DGKI: variants seen among roughly 807,000 people sequenced by gnomAD.
DGKI encodes DAG kinase iota.
DGKI carries 55 observed loss-of-function variants against 147.5 expected under a neutral mutation model. That is an observed-to-expected ratio of 0.37 (90% CI 0.30 to 0.47). The LOEUF (loss-of-function observed/expected upper bound fraction) is 0.47. DGKI is among the 20% of genes least tolerant of loss of function. The pLI, the probability that DGKI is intolerant of heterozygous loss-of-function variation, is 1.00. For missense variants in DGKI, 1,007 were observed against 1,323.8 expected (o/e 0.76, Z 3.71); for synonymous variants, 469 against 477.1 (o/e 0.98, Z 0.22).
chr7:137,523,395 C>T (rs1363519067), intron 20 of DGKI, among the ~76,000 whole-genome samples: 1 of 152,030 alleles, frequency 6.6e-6, no homozygotes, highest in Non-Finnish European at 1.5e-5. Context: ...ACTATAGATA[C>T]ATATGTGCAC....
chr7:137,487,222 C>T (rs1815597271), intron 22 of DGKI, among the ~76,000 whole-genome samples: 1 of 151,986 alleles, frequency 6.6e-6, no homozygotes, highest in South Asian at 2.1e-4. Flanking sequence ...TTTTTGTTTA[C>T]AAAATCTAGC....
chr7:137,814,157 G>A (rs897110595), intron 1 of DGKI, among the ~76,000 whole-genome samples: 2 of 152,136 alleles, frequency 1.3e-5, no homozygotes, highest in Admixed American at 1.3e-4. Flanking sequence ...GTGAGGAATG[G>A]GAGGAGGAAG....
chr7:137,546,610 T>C (rs1279571236), intron 20 of DGKI, among the ~76,000 whole-genome samples: 1 of 152,208 alleles, frequency 6.6e-6, no homozygotes, highest in Non-Finnish European at 1.5e-5. Flanking sequence ...AACCACAGAT[T>C]TCTCCCTTTT....
chr7:137,484,559 C>A (rs1815485837), intron 23 of DGKI, among the ~76,000 whole-genome samples: 1 of 151,982 alleles, frequency 6.6e-6, no homozygotes, highest in African/African-American at 2.4e-5. Flanking sequence ...AGTCAAAGAG[C>A]TTTGTTTGGG....
chr7:137,772,748 G>A (rs933047773), intron 1 of DGKI, among the ~76,000 whole-genome samples: 1 of 152,198 alleles, frequency 6.6e-6, no homozygotes, highest in African/African-American at 2.4e-5. Context: ...GTTATTCCAA[G>A]TTGTTGTATT....
intron 6 of DGKI, among the ~76,000 whole-genome samples, chr7:137,624,690 C>T (rs993375770): frequency 6.6e-6 from 1 of 151,988 alleles, no homozygotes; most frequent in Non-Finnish European, 1.5e-5. Flanking sequence ...CTGCAAGCTC[C>T]GCCTCCCGGG....
At position 137,581,827 on chromosome 7, in the gene DGKI, T is replaced by C. The variant is rs1002211533; in HGVS notation, c.1642+23A>G. On this transcript the variant is annotated intron_variant, in intron 15 of 32. Coordinates refer to ENST00000614521, the MANE Select transcript of DGKI (RefSeq NM_001321708.2). ...TGCTAGAAACTTCCTCCCTGGGAGA[T>C]GGAAATGGGACGTTGTCCTCACCTC... is the stretch of plus-strand genomic sequence containing the variant. 5.0e-6 allele frequency: 8 copies of C among 1,600,826 alleles called. No homozygotes were observed. The African/African-American group carries it at 1.1e-4, about 21-fold the overall frequency.
chr7:137,776,059 T>G (rs1796352913), intron 1 of DGKI, among the ~76,000 whole-genome samples: 1 of 152,152 alleles, frequency 6.6e-6, no homozygotes. Context: ...GGTTTCTCCA[T>G]GTTGGTCAGG....
chr7:137,694,310 ACTCCGT>A (rs1378679208), intron 1 of DGKI, among the ~76,000 whole-genome samples: 1 of 149,094 alleles, frequency 6.7e-6, no homozygotes, highest in East Asian at 2.0e-4. Context: ...CGACAGCGAG[ACTCCGT>A]CTCAAAAAAA....
chr7:137,550,666 A>T lies in DGKI; in HGVS notation c.2147+1703T>A, dbSNP rs142832307. 2.8e-4 allele frequency among the ~76,000 whole-genome samples: 42 copies of T among 152,356 alleles called. No homozygotes were observed. In the East Asian group the frequency reaches 7.9e-3, roughly 29 times the overall value. On this transcript the variant is annotated intron_variant, in intron 20 of 32. Transcript: ENST00000614521. ...TGCTGAGCAAATACGAATTCTCAAC[A>T]CAAAGGTAAAAGCTGTTTAAAACTA... is the stretch of plus-strand genomic sequence containing the variant.
At chr7:137,512,127 C>A (rs374632781) in intron 21 of DGKI, among the ~76,000 whole-genome samples, 1 of 152,154 alleles carries the variant, frequency 6.6e-6, no homozygotes, top group African/African-American at 2.4e-5. Flanking sequence ...GACCTATGAC[C>A]GCAAATTCTT....
chr7:137,391,215 C>T lies in DGKI; in HGVS notation c.*5G>A, dbSNP rs201590888. On this transcript the variant is annotated 3_prime_UTR_variant, in exon 33 of 33. Coordinates refer to ENST00000614521, the MANE Select transcript of DGKI (RefSeq NM_001321708.2). ...GCTCATGTCCTCTTTGCCCGAATACCAGGGTCAAACAGCAGTTTCCAGGTC... is the reference window on the plus strand; with the variant it reads ...GCTCATGTCCTCTTTGCCCGAATACTAGGGTCAAACAGCAGTTTCCAGGTC... The T allele has an allele frequency of 1.4e-5, 23 of 1,611,096 alleles. No individual in the cohort carries two copies. Among genetic ancestry groups the T allele is most frequent in the Middle Eastern group, 3.3e-4 (2 of 5,974 alleles).
At chr7:137,499,254 A>G (rs1013504492) in intron 21 of DGKI, among the ~76,000 whole-genome samples, 5 of 152,140 alleles carry the variant, frequency 3.3e-5, no homozygotes, top group African/African-American at 9.7e-5. Context: ...TACTTGTTCT[A>G]TTTCTTAGTC....
intron 5 of DGKI, among the ~76,000 whole-genome samples, chr7:137,647,431 T>C (rs527589127): frequency 6.6e-6 from 1 of 152,306 alleles, no homozygotes; most frequent in Non-Finnish European, 1.5e-5. Context: ...TCCAATGATC[T>C]CTCTCTTCTG....
chr7:137,752,326 C>A (rs1312695409), intron 1 of DGKI, among the ~76,000 whole-genome samples: 1 of 151,972 alleles, frequency 6.6e-6, no homozygotes, highest in East Asian at 1.9e-4. Flanking sequence ...TCCTGGTTCA[C>A]AAACTTTAGT....
At chr7:137,809,903 G>C (rs1016043545) in intron 1 of DGKI, among the ~76,000 whole-genome samples, 2 of 146,664 alleles carry the variant, frequency 1.4e-5, no homozygotes, top group Non-Finnish European at 3.0e-5. Flanking sequence ...AACCCAGTTG[G>C]AAAAAAAAAA....
At chr7:137,756,996 T>C (rs1795705477) in intron 1 of DGKI, among the ~76,000 whole-genome samples, 1 of 152,238 alleles carries the variant, frequency 6.6e-6, no homozygotes, top group African/African-American at 2.4e-5. Flanking sequence ...TTTGGTTATA[T>C]TTTTTAATAT....
chr7:137,392,928 T>G (rs545802318), intron 32 of DGKI, among the ~76,000 whole-genome samples: 24 of 152,274 alleles, frequency 1.6e-4, no homozygotes, highest in Non-Finnish European at 2.6e-4. Flanking sequence ...ATGGCAAAAT[T>G]TAAAAATCCT....
At chr7:137,784,861 G>C (rs1256434743) in intron 1 of DGKI, among the ~76,000 whole-genome samples, 1 of 152,000 alleles carries the variant, frequency 6.6e-6, no homozygotes, top group Non-Finnish European at 1.5e-5. Flanking sequence ...TAAATAACTT[G>C]TTCCTGAATG....
Sources: gnomAD v4.1 joint callset for allele counts (sites outside exome capture counted in the v4.1 genomes callset) on GRCh38, gnomAD v4.1.1 for gene constraint, MANE v1.5 for transcripts, NCBI Gene and HGNC (gene_info 2026-07-23, HGNC 2026-07-21) for gene names.